Variants in CA5A observed in about 807,000 individuals in gnomAD.
CA5A encodes carbonic anhydrase 5A, mitochondrial.
Under a neutral mutation model 37.1 loss-of-function variants are expected in CA5A, and 28 were observed. The observed-to-expected ratio is 0.75, with a 90% CI of 0.56 to 1.03. The LOEUF (loss-of-function observed/expected upper bound fraction) is 1.03. CA5A is among the 50% of genes least tolerant of loss of function. The pLI, the probability that CA5A is intolerant of heterozygous loss-of-function variation, is 0.00. For synonymous variants in CA5A, 171 were observed against 158.4 expected (o/e 1.08, Z -0.60); for missense variants, 444 against 399.9 (o/e 1.11, Z -0.94).
At chr16:87,910,697 C>T (rs2056037932) in intron 2 of CA5A, among the ~76,000 whole-genome samples, 1 of 152,120 alleles carries the variant, frequency 6.6e-6, no homozygotes, top group African/African-American at 2.4e-5. Context: ...CCTGCCTCAG[C>T]CTCCTGAGTT....
At position 87,911,690 on chromosome 16, in the gene CA5A, C is replaced by T. The variant is rs531861715; in HGVS notation, c.341-6786G>A. ...CTGCAAGCCCCTGCCCACAGAACTC[C>T]GCGACGATGGAACCTAGACTGCTCC... On this transcript the variant is annotated intron_variant, in intron 2 of 6. Coordinates refer to ENST00000649794, the MANE Select transcript of CA5A (RefSeq NM_001739.2). The surrounding 1 kb of genome is among the most constrained non-coding windows in gnomAD (Gnocchi z 4.6). 4.3e-4 allele frequency among the ~76,000 whole-genome samples: 66 copies of T among 152,252 alleles called. No homozygotes were observed. Among genetic ancestry groups the T allele is most frequent in the African/African-American group, 1.4e-3 (60 of 41,534 alleles).
At chr16:87,893,146 C>T (rs7195622) in intron 5 of CA5A, 66,367 of 383,116 alleles carry the variant, frequency 0.17, 5,230 homozygotes, top group South Asian at 0.22. Context: ...TTCTTTCTTT[C>T]TTTTTTTTTT....
At chr16:87,918,055 C>T (rs1420369373) in intron 2 of CA5A, among the ~76,000 whole-genome samples, 3 of 152,214 alleles carry the variant, frequency 2.0e-5, no homozygotes, top group Non-Finnish European at 4.4e-5. Flanking sequence ...TTGGAGCTGC[C>T]GATTTGTGCC....
At chr16:87,901,508 A>G (rs1330092680) in intron 5 of CA5A, among the ~76,000 whole-genome samples, 7 of 152,170 alleles carry the variant, frequency 4.6e-5, no homozygotes, top group Non-Finnish European at 1.0e-4. Flanking sequence ...TCTTTCCACT[A>G]CGCCATTTCT....
intron 2 of CA5A, among the ~76,000 whole-genome samples, chr16:87,916,468 T>A (rs1199246204): frequency 1.3e-5 from 2 of 152,124 alleles, no homozygotes; most frequent in African/African-American, 2.4e-5. Flanking sequence ...GGGACTTGGG[T>A]CCAGTGGGGT....
At chr16:87,927,533 T>C (rs1166152110) in intron 1 of CA5A, among the ~76,000 whole-genome samples, 1 of 152,134 alleles carries the variant, frequency 6.6e-6, no homozygotes, top group Non-Finnish European at 1.5e-5. Context: ...CAAACTGCTT[T>C]GATTGTCATT....
intron 5 of CA5A, chr16:87,893,024 C>A: frequency 8.1e-7 from 1 of 1,230,126 alleles, no homozygotes; most frequent in Non-Finnish European, 1.2e-6. Context: ...AGATGGCAGA[C>A]AAGAATGTGC....
chr16:87,916,273 G>A (rs1206101761), intron 2 of CA5A, among the ~76,000 whole-genome samples: 1 of 152,152 alleles, frequency 6.6e-6, no homozygotes, highest in Non-Finnish European at 1.5e-5. Context: ...TTGAGGTTGG[G>A]AGTTCGAGAC....
intron 2 of CA5A, among the ~76,000 whole-genome samples, chr16:87,921,520 G>A (rs569073082): frequency 9.8e-5 from 15 of 152,288 alleles, no homozygotes; most frequent in African/African-American, 3.6e-4. Flanking sequence ...GCTCTCATTG[G>A]CCGGTCTTGA....
chr16:87,899,144 G>C (rs2055842093), intron 5 of CA5A, among the ~76,000 whole-genome samples: 1 of 152,082 alleles, frequency 6.6e-6, no homozygotes. Context: ...CCAACTGTGG[G>C]GCTCTCTGAT....
At chr16:87,912,430 A>G (rs1310298140) in intron 2 of CA5A, among the ~76,000 whole-genome samples, 1 of 152,264 alleles carries the variant, frequency 6.6e-6, no homozygotes, top group East Asian at 1.9e-4. Context: ...ACCTGCACGT[A>G]AAGACGTCGA....
At chr16:87,921,540 C>T (rs1489552292) in intron 2 of CA5A, among the ~76,000 whole-genome samples, 2 of 151,934 alleles carry the variant, frequency 1.3e-5, no homozygotes, top group African/African-American at 4.9e-5. Context: ...AGTCACGTGC[C>T]CATGCCTGTA....
At chr16:87,893,620 T>A (rs2055757635) in intron 5 of CA5A, 4 of 694,286 alleles carry the variant, frequency 5.8e-6, no homozygotes, top group South Asian at 4.2e-5. Flanking sequence ...CAGACATACC[T>A]ACAGACGGAG....
At chr16:87,912,435 C>T (rs1049741555) in intron 2 of CA5A, among the ~76,000 whole-genome samples, 2 of 152,332 alleles carry the variant, frequency 1.3e-5, no homozygotes, top group South Asian at 2.1e-4. Context: ...CACGTAAAGA[C>T]GTCGAAAGAT....
At position 87,926,901 on chromosome 16, in the gene CA5A, G is replaced by A. The variant is rs771206174; in HGVS notation, c.187C>T (p.Arg63Trp). ...TVPVSVPGGTRQSPINIQWRD... is the reference protein window; with the variant it reads ...TVPVSVPGGTWQSPINIQWRD... Reference sequence around the variant, plus strand: ...CACTGGATGTTAATAGGAGACTGCCGGGTGCCCCCTGGCACGGAGACCGGG... The same window carrying A: ...CACTGGATGTTAATAGGAGACTGCCAGGTGCCCCCTGGCACGGAGACCGGG... The change falls in exon 2 of 7, where the codon CGG becomes TGG. Residue 63 changes from arginine (R) to tryptophan (W), a missense_variant. By Grantham distance (101) the Arg-to-Trp change is moderately radical. Transcript: ENST00000649794. The A allele has an allele frequency of 5.6e-6, 9 of 1,606,246 alleles. No individual in the cohort carries two copies. The highest frequency in any genetic ancestry group is 1.7e-4 in the Middle Eastern group (1 of 6,020).
At chr16:87,921,526 C>A (rs2056229119) in intron 2 of CA5A, among the ~76,000 whole-genome samples, 2 of 152,218 alleles carry the variant, frequency 1.3e-5, no homozygotes, top group African/African-American at 4.8e-5. Flanking sequence ...ATTGGCCGGT[C>A]TTGAGTCACG....
At chr16:87,895,462 T>A (rs1437294784) in intron 5 of CA5A, among the ~76,000 whole-genome samples, 2 of 152,156 alleles carry the variant, frequency 1.3e-5, no homozygotes, top group Admixed American at 1.3e-4. Context: ...GGAGAATCAC[T>A]TAAACCCGGG....
rs548311929 is a variant in CA5A at position 87,888,112 on chromosome 16, A to C, written c.*17T>G. The C allele has an allele frequency of 1.3e-6, 2 of 1,581,766 alleles. No individual in the cohort carries two copies. The highest frequency in any genetic ancestry group is 1.4e-5 in the African/African-American group (1 of 74,036). ...TCCTTCAAAGTCAGTTCTGCTATTC[A>C]TGTGGACCTAATGTCTCTAGGACCT... On this transcript the variant is annotated 3_prime_UTR_variant, in exon 7 of 7. Transcript: ENST00000649794.
At chr16:87,888,603 C>T (rs1341372379) in intron 6 of CA5A, among the ~76,000 whole-genome samples, 1 of 152,150 alleles carries the variant, frequency 6.6e-6, no homozygotes, top group East Asian at 1.9e-4. Context: ...TCGAGAGGGC[C>T]AACCTTGGAA....
Sources: gnomAD v4.1 joint callset for allele counts (sites outside exome capture counted in the v4.1 genomes callset) on GRCh38, gnomAD v4.1.1 for gene constraint, Gnocchi (gnomAD v3.1) non-coding constraint, MANE v1.5 for transcripts, NCBI Gene and HGNC (gene_info 2026-07-23, HGNC 2026-07-21) for gene names.